The following OSBP2 variants were observed in gnomAD, a reference collection of about 807,000 sequenced individuals.
The protein encoded by OSBP2 is oxysterol binding protein 2.
A neutral mutation model predicts 96.0 loss-of-function variants in OSBP2; 66 were observed. The ratio of observed to expected loss-of-function variants is 0.69; its 90% CI spans 0.56 to 0.84. The LOEUF (loss-of-function observed/expected upper bound fraction) is 0.84, where lower values mean the gene tolerates loss of function less well. Among genes scored for constraint, OSBP2 ranks in the 40% least tolerant of loss-of-function variants. The pLI is 0.00. For synonymous variants in OSBP2, 525 were observed against 520.9 expected (o/e 1.01, Z -0.11); for missense variants, 1,038 against 1,222.7 (o/e 0.85, Z 2.25).
chr22:30,884,838 C>T (rs1281679135), intron 3 of OSBP2, among the ~76,000 whole-genome samples: 2 of 152,226 alleles, frequency 1.3e-5, no homozygotes, highest in African/African-American at 4.8e-5. Flanking sequence ...TGTCACTTGG[C>T]AGCAAATGTC....
Position 30,906,027 on chromosome 22 carries a change from C to T in OSBP2, c.2566C>T (p.Leu856=). The change falls in exon 13 of 14, where the codon CTG becomes TTG. Residue 856 remains leucine (L), a synonymous_variant. Transcript: ENST00000332585. ...GCAGCGCCTGTCGCGGCGCCGGCGG[C>T]TGGAGGCCTGCGGGCCGGGCAGCAG... ...EKQRLSRRRR[L]EACGPGSSCS... 2 of 1,569,676 alleles carry T rather than the reference C, an allele frequency of 1.3e-6. No individual in the cohort carries two copies. The highest frequency in any genetic ancestry group is 4.7e-5 in the East Asian group (2 of 42,918).
At chr22:30,739,450 C>T (rs951369355) in intron 1 of OSBP2, among the ~76,000 whole-genome samples, 1 of 152,164 alleles carries the variant, frequency 6.6e-6, no homozygotes, top group African/African-American at 2.4e-5. Context: ...ATGGCAGGAT[C>T]CCAACCTGCT....
intron 2 of OSBP2, among the ~76,000 whole-genome samples, chr22:30,820,608 C>G (rs1286705906): frequency 6.6e-6 from 1 of 152,082 alleles, no homozygotes; most frequent in African/African-American, 2.4e-5. Context: ...GTCACTTGAC[C>G]TCAGAGCCTT....
intron 2 of OSBP2, among the ~76,000 whole-genome samples, chr22:30,838,059 A>G (rs1189994127): frequency 6.6e-6 from 1 of 152,194 alleles, no homozygotes; most frequent in Admixed American, 6.5e-5. Context: ...TTTAGAGAGG[A>G]AGAAACTAGA....
intron 1 of OSBP2, 45 bp from the exon 2 acceptor site, chr22:30,741,116 T>G: frequency 3.4e-6 from 5 of 1,463,224 alleles, no homozygotes; most frequent in Non-Finnish European, 4.8e-6. Flanking sequence ...TCTGGAGCCA[T>G]TGAGATTAGG....
chr22:30,723,871 G>A (rs962725495), intron 1 of OSBP2, among the ~76,000 whole-genome samples: 3 of 152,136 alleles, frequency 2.0e-5, no homozygotes, highest in African/African-American at 7.2e-5. Flanking sequence ...TTGTTACAGT[G>A]GATGAACCCA....
chr22:30,863,453 G>C (rs2039267007), intron 2 of OSBP2, among the ~76,000 whole-genome samples: 1 of 152,258 alleles, frequency 6.6e-6, no homozygotes, highest in East Asian at 1.9e-4. Context: ...CCCCACGTGG[G>C]GGTGGAATGT....
chr22:30,832,506 G>GT (rs1281289902), intron 2 of OSBP2, among the ~76,000 whole-genome samples: 2 of 151,928 alleles, frequency 1.3e-5, no homozygotes, highest in East Asian at 3.9e-4. Flanking sequence ...GCCCAGGCTG[G>GT]TTTTGAACTC....
In OSBP2 at chr22:30,788,320, G is replaced by A. The variant is rs138758631; in HGVS notation, c.853+46951G>A. ...CCAGTGCCATGTTAATCATTCTGCAGTTGCTGCCAAAGCAACACAGAATCC... is the reference window on the plus strand; with the variant it reads ...CCAGTGCCATGTTAATCATTCTGCAATTGCTGCCAAAGCAACACAGAATCC... On this transcript the variant is annotated intron_variant, in intron 2 of 13. Transcript: ENST00000332585. Among the ~76,000 whole-genome samples, 1,036 of 152,238 alleles carry A rather than the reference G, an allele frequency of 6.8e-3. 9 individuals are homozygous for A. The highest frequency in any genetic ancestry group is 0.023 in the African/African-American group (970 of 41,548).
chr22:30,783,689 C>A (rs2090550316), intron 2 of OSBP2, among the ~76,000 whole-genome samples: 1 of 152,176 alleles, frequency 6.6e-6, no homozygotes, highest in Non-Finnish European at 1.5e-5. Flanking sequence ...CTTCCCAAAT[C>A]TGCCTGGTCA....
intron 2 of OSBP2, among the ~76,000 whole-genome samples, chr22:30,768,735 G>A (rs921670099): frequency 6.6e-6 from 1 of 151,924 alleles, no homozygotes; most frequent in African/African-American, 2.4e-5. Flanking sequence ...GGTAGTTTAA[G>A]CATCATTTTC....
chr22:30,832,441 C>A (rs2038544076), intron 2 of OSBP2, among the ~76,000 whole-genome samples: 1 of 151,970 alleles, frequency 6.6e-6, no homozygotes, highest in African/African-American at 2.4e-5. Context: ...CAGGCATGTG[C>A]CACCACACCT....
chr22:30,798,580 C>G (rs136277), intron 2 of OSBP2, among the ~76,000 whole-genome samples: 152,386 of 152,400 alleles, frequency 1, 76,186 homozygotes, highest in Middle Eastern at 1. Context: ...GTCTTTGATC[C>G]TTTTGAGTTA....
chr22:30,892,967 T>C (rs2039981018), intron 8 of OSBP2, among the ~76,000 whole-genome samples, 155 bp from the exon 9 acceptor site: 1 of 152,048 alleles, frequency 6.6e-6, no homozygotes, highest in Non-Finnish European at 1.5e-5. Flanking sequence ...GGGGCCTGCC[T>C]TGGGTCCATG....
chr22:30,795,228 G>T (rs2090740320), intron 2 of OSBP2, among the ~76,000 whole-genome samples: 1 of 151,948 alleles, frequency 6.6e-6, no homozygotes, highest in South Asian at 2.1e-4. Flanking sequence ...TTCTATCTTT[G>T]GTCTTCAGGG....
chr22:30,894,744 C>T (rs146346087), intron 12 of OSBP2, among the ~76,000 whole-genome samples: 8 of 152,292 alleles, frequency 5.3e-5, no homozygotes, highest in African/African-American at 1.4e-4. Context: ...TATTAAGCAG[C>T]CAGATTTTAA....
chr22:30,695,070 C>T lies in OSBP2; in HGVS notation c.161C>T (p.Pro54Leu), dbSNP rs1407781011. The change falls in exon 1 of 14, where the codon CCC becomes CTC. Residue 54 changes from proline (P) to leucine (L), a missense_variant. Physicochemically the swap from Pro to Leu is moderately conservative, Grantham distance 98 (BLOSUM62 -3). Transcript: ENST00000332585. ...TCCGGGCCGGAGCCCAAGCCCCAGC[C>T]CCAGCCCGTGCCCGAACCGGAGCGG... ...SGSGPEPKPQ[P>L]QPVPEPERGP... 1 of 1,584,472 alleles carries T rather than the reference C, an allele frequency of 6.3e-7. No homozygotes were observed. The highest frequency in any genetic ancestry group is 1.4e-5 in the African/African-American group (1 of 74,064).
chr22:30,795,662 GGCATGCGCCACCAC>G (rs2090749300), intron 2 of OSBP2, among the ~76,000 whole-genome samples: 1 of 151,994 alleles, frequency 6.6e-6, no homozygotes. Flanking sequence ...TGGGATTACA[GGCATGCGCCACCAC>G]GCCCAGCTAA....
intron 4 of OSBP2, 34 bp downstream of exon 4, chr22:30,887,652 A>G (rs750158212): frequency 4.6e-6 from 7 of 1,519,480 alleles, no homozygotes; most frequent in Non-Finnish European, 1.8e-6. Context: ...CTGTCCCATG[A>G]CCTTCTGCCA....
Sources: allele counts gnomAD v4.1 joint callset (sites outside exome capture counted in the v4.1 genomes callset), GRCh38; gene constraint gnomAD v4.1.1; transcripts MANE v1.5; gene names NCBI Gene and HGNC (gene_info 2026-07-23, HGNC 2026-07-21).